AKAP6: variants seen among roughly 807,000 people sequenced by gnomAD.
AKAP6 encodes the protein A-kinase anchor protein 6.
In AKAP6, 58 loss-of-function variants were observed where a neutral mutation model predicts 188.5. That is an observed-to-expected ratio of 0.31 (90% CI 0.25 to 0.38). The LOEUF (loss-of-function observed/expected upper bound fraction) is 0.38, where lower values mean the gene tolerates loss of function less well. AKAP6 is among the 10% of genes least tolerant of loss of function. The pLI is 1.00. For missense variants in AKAP6, 2,710 were observed against 2,740.0 expected (o/e 0.99, Z 0.24); for synonymous variants, 989 against 998.6 (o/e 0.99, Z 0.18).
rs376185758 is a variant in AKAP6 at position 32,559,850 on chromosome 14, A to G, written c.2346+12851A>G. Among the ~76,000 whole-genome samples the G allele has an allele frequency of 2.6e-4, 39 of 147,980 alleles. No individual in the cohort carries two copies. The South Asian group carries it at 7.0e-3, about 27-fold the overall frequency. Reference sequence around the variant, plus strand: ...TGCCAGGCTGGAGGGCAGTGGTGCAATCTCCTCTAAGCCTAATCTTAAGGG... The same window carrying G: ...TGCCAGGCTGGAGGGCAGTGGTGCAGTCTCCTCTAAGCCTAATCTTAAGGG... On this transcript the variant is annotated intron_variant, in intron 4 of 13. Coordinates refer to ENST00000280979, the MANE Select transcript of AKAP6 (RefSeq NM_004274.5).
intron 7 of AKAP6, among the ~76,000 whole-genome samples, chr14:32,619,370 T>G (rs184753518): frequency 2.6e-3 from 394 of 152,232 alleles, no homozygotes; most frequent in African/African-American, 9.1e-3. Flanking sequence ...TAGTGAGAGT[T>G]AAGGATCCAG....
chr14:32,738,097 A>G (rs1411831789), intron 11 of AKAP6, among the ~76,000 whole-genome samples: 2 of 152,284 alleles, frequency 1.3e-5, no homozygotes, highest in East Asian at 3.9e-4. Flanking sequence ...AGAATTATCA[A>G]GGAATGAACA....
intron 7 of AKAP6, among the ~76,000 whole-genome samples, chr14:32,666,064 A>C (rs186579172): frequency 1.4e-4 from 22 of 152,192 alleles, no homozygotes; most frequent in African/African-American, 4.8e-4. Context: ...AAGTAAACAC[A>C]ATTATTTGCC....
intron 11 of AKAP6, among the ~76,000 whole-genome samples, chr14:32,753,296 T>A (rs968121433): frequency 1.3e-5 from 2 of 152,164 alleles, no homozygotes; most frequent in Non-Finnish European, 2.9e-5. Context: ...CTCTGATGAT[T>A]AGTGATGTTG....
intron 7 of AKAP6, among the ~76,000 whole-genome samples, chr14:32,652,677 A>G (rs1269647505): frequency 6.6e-6 from 1 of 152,194 alleles, no homozygotes; most frequent in Non-Finnish European, 1.5e-5. Flanking sequence ...CTACAGCTCT[A>G]CTGCTATCCC....
intron 2 of AKAP6, chr14:32,474,506 G>A (rs947340544): frequency 1.3e-5 from 2 of 152,190 alleles, no homozygotes; most frequent in African/African-American, 4.8e-5. Flanking sequence ...AAAAAGCTGA[G>A]TGACTGCGAG....
intron 11 of AKAP6, among the ~76,000 whole-genome samples, chr14:32,768,421 AG>A (rs2032784466): frequency 6.6e-6 from 1 of 152,222 alleles, no homozygotes; most frequent in Non-Finnish European, 1.5e-5. Flanking sequence ...GACAAAAAAG[AG>A]TAAAATCACC....
intron 9 of AKAP6, among the ~76,000 whole-genome samples, chr14:32,710,363 T>A (rs1890994441): frequency 6.6e-6 from 1 of 152,076 alleles, no homozygotes. Context: ...TATATGTGGC[T>A]ATCTATTTTT....
At chr14:32,687,624 A>G (rs1170253787) in intron 8 of AKAP6, among the ~76,000 whole-genome samples, 1 of 152,150 alleles carries the variant, frequency 6.6e-6, no homozygotes, top group Non-Finnish European at 1.5e-5. Flanking sequence ...ACAGTCTCAC[A>G]TATAGATTAA....
At chr14:32,453,831 C>T (rs1169123555) in intron 2 of AKAP6, among the ~76,000 whole-genome samples, 1 of 151,300 alleles carries the variant, frequency 6.6e-6, no homozygotes, top group Admixed American at 6.6e-5. Context: ...ATGATCCGCC[C>T]GCCTCGGCCT....
chr14:32,476,569 T>A (rs1322764048), intron 2 of AKAP6, among the ~76,000 whole-genome samples: 1 of 152,236 alleles, frequency 6.6e-6, no homozygotes, highest in Non-Finnish European at 1.5e-5. Context: ...TCGAATTTTA[T>A]CTAGTCATAT....
chr14:32,500,980 G>A (rs1413964506), intron 2 of AKAP6, among the ~76,000 whole-genome samples: 1 of 152,102 alleles, frequency 6.6e-6, no homozygotes, highest in Non-Finnish European at 1.5e-5. Context: ...GTGCATTCTA[G>A]CCTGTGGCAC....
chr14:32,576,996 G>A (rs1472863272), intron 4 of AKAP6, 124 bp from the exon 5 acceptor site: 2 of 1,048,588 alleles, frequency 1.9e-6, no homozygotes, highest in African/African-American at 3.3e-5. Context: ...ACTAGGATAG[G>A]AGTGCGGTGG....
At chr14:32,653,203 A>G (rs1888306054) in intron 7 of AKAP6, among the ~76,000 whole-genome samples, 1 of 152,190 alleles carries the variant, frequency 6.6e-6, no homozygotes, top group African/African-American at 2.4e-5. Flanking sequence ...TCAAAAATTT[A>G]GCTACCATGT....
At chr14:32,751,644 G>A (rs571101638) in intron 11 of AKAP6, among the ~76,000 whole-genome samples, 7 of 151,240 alleles carry the variant, frequency 4.6e-5, no homozygotes, top group Admixed American at 2.7e-4. Context: ...CCTGCTCTGC[G>A]CATATTGAAT....
intron 11 of AKAP6, among the ~76,000 whole-genome samples, chr14:32,755,192 A>G (rs1041605782): frequency 6.6e-6 from 1 of 151,664 alleles, no homozygotes; most frequent in Non-Finnish European, 1.5e-5. Context: ...ACTCATTTTC[A>G]TTATTTTTTT....
At chr14:32,420,532 A>C (rs1889807175) in intron 1 of AKAP6, among the ~76,000 whole-genome samples, 1 of 152,162 alleles carries the variant, frequency 6.6e-6, no homozygotes, top group African/African-American at 2.4e-5. Context: ...TATTTTTCCA[A>C]CAACTTTTGG....
intron 2 of AKAP6, among the ~76,000 whole-genome samples, chr14:32,466,051 G>A (rs935929445): frequency 6.6e-6 from 1 of 152,180 alleles, no homozygotes; most frequent in Non-Finnish European, 1.5e-5. Flanking sequence ...AGTTAGAATG[G>A]CGATCATTAA....
At chr14:32,608,351 T>G (rs916938412) in intron 7 of AKAP6, among the ~76,000 whole-genome samples, 2 of 151,882 alleles carry the variant, frequency 1.3e-5, no homozygotes, top group Non-Finnish European at 2.9e-5. Context: ...ATATAAAAAA[T>G]TAGCCAAGTG....
Sources: allele counts gnomAD v4.1 joint callset (sites outside exome capture counted in the v4.1 genomes callset), GRCh38; gene constraint gnomAD v4.1.1; transcripts MANE v1.5; gene names NCBI Gene and HGNC (gene_info 2026-07-23, HGNC 2026-07-21).